The following ESR2 variants were observed in gnomAD, a reference collection of about 807,000 sequenced individuals.
The protein encoded by ESR2 is estrogen receptor 2, also known as estrogen receptor beta.
In ESR2, 36 loss-of-function variants were observed where a neutral mutation model predicts 49.6. The ratio of observed to expected loss-of-function variants is 0.73; its 90% CI spans 0.56 to 0.96. The LOEUF is 0.96. Ranked by LOEUF, ESR2 falls within the 40% of genes least tolerant of loss-of-function variation. The pLI, the probability that ESR2 is intolerant of heterozygous loss-of-function variation, is 0.00. For synonymous variants in ESR2, 320 were observed against 266.1 expected (o/e 1.20, Z -1.97); for missense variants, 714 against 693.0 (o/e 1.03, Z -0.34).
chr14:64,284,777 G>A (rs1253481123), intron 1 of ESR2, among the ~76,000 whole-genome samples: 1 of 151,816 alleles, frequency 6.6e-6, no homozygotes, highest in East Asian at 1.9e-4. Context: ...AAGGCACATT[G>A]GCTTTTTTTC....
chr14:64,276,950 A>G (rs1228732627), intron 3 of ESR2, among the ~76,000 whole-genome samples: 1 of 152,190 alleles, frequency 6.6e-6, no homozygotes, highest in Non-Finnish European at 1.5e-5. Flanking sequence ...TCTATAATCT[A>G]TTGTCTTGTT....
intron 1 of ESR2, among the ~76,000 whole-genome samples, chr14:64,320,979 T>G (rs2077318615): frequency 6.6e-6 from 1 of 152,116 alleles, no homozygotes; most frequent in African/African-American, 2.4e-5. Context: ...ACTGTGAAGA[T>G]GGGGAAGGAA....
chr14:64,262,570 C>T (rs2076244988), intron 4 of ESR2, among the ~76,000 whole-genome samples: 2 of 150,664 alleles, frequency 1.3e-5, no homozygotes, highest in Admixed American at 6.6e-5. Context: ...GAACACGTTA[C>T]AAAACATAAA....
intron 1 of ESR2, among the ~76,000 whole-genome samples, chr14:64,331,422 C>T (rs2077456549): frequency 6.6e-6 from 1 of 152,174 alleles, no homozygotes; most frequent in South Asian, 2.1e-4. Flanking sequence ...ACACACTTTT[C>T]TCAATAACTA....
chr14:64,305,816 A>G (rs2077088715), intron 1 of ESR2, among the ~76,000 whole-genome samples: 1 of 152,220 alleles, frequency 6.6e-6, no homozygotes, highest in South Asian at 2.1e-4. Context: ...ATTTAAGTCA[A>G]TGTTAGGTAT....
At chr14:64,334,507 C>T (rs760943678) in intron 1 of ESR2, among the ~76,000 whole-genome samples, 1 of 152,064 alleles carries the variant, frequency 6.6e-6, no homozygotes, top group Non-Finnish European at 1.5e-5. Flanking sequence ...AGAGAGAGAA[C>T]AAAAAGGAAT....
chr14:64,269,008 G>A (rs2076386947), intron 3 of ESR2, 97 bp from the exon 4 acceptor site: 20 of 746,994 alleles, frequency 2.7e-5, no homozygotes, highest in South Asian at 2.4e-4. Context: ...CCAGCTGAGA[G>A]ATAGGGGACA....
downstream of ESR2, chr14:64,227,627 T>A: frequency 1.9e-6 from 3 of 1,613,992 alleles, no homozygotes; most frequent in Non-Finnish European, 2.5e-6. Flanking sequence ...TAAGTAGAGA[T>A]GCGGGACAAG....
At chr14:64,245,417 C>G (rs538468820) in intron 7 of ESR2, among the ~76,000 whole-genome samples, 1 of 141,284 alleles carries the variant, frequency 7.1e-6, no homozygotes, top group Non-Finnish European at 1.5e-5. Flanking sequence ...GAGGCTGAGG[C>G]AGGAGAACTG....
intron 7 of ESR2, 47 bp from the exon 8 acceptor site, chr14:64,235,197 C>A (rs1214210181): frequency 1.3e-6 from 2 of 1,583,838 alleles, no homozygotes; most frequent in Admixed American, 1.7e-5. Context: ...AGCAAAGGAG[C>A]AGAAGTCGTG....
rs962391457 is a variant in ESR2, at chr14:64,235,769, G to A, written c.1226-619C>T. The stretch of plus-strand genomic sequence containing the variant: ...TCTCTGAGCCTCAGTTCCTCACTGA[G>A]CAACGCATGCAGGAACACATCTGCT... On this transcript the variant is annotated intron_variant, in intron 7 of 8. Transcript: ENST00000341099. Among the ~76,000 whole-genome samples the A allele has an allele frequency of 2.6e-5, 4 of 152,134 alleles. No individual in the cohort carries two copies. In the South Asian group the frequency reaches 6.2e-4, roughly 24 times the overall value.
At chr14:64,300,749 C>CT (rs1482545223) in intron 1 of ESR2, among the ~76,000 whole-genome samples, 1 of 151,850 alleles carries the variant, frequency 6.6e-6, no homozygotes, top group African/African-American at 2.4e-5. Context: ...GATACCTCAT[C>CT]TTTAAAAAAA....
chr14:64,274,152 T>C (rs2076507426), intron 3 of ESR2, among the ~76,000 whole-genome samples: 2 of 151,844 alleles, frequency 1.3e-5, no homozygotes, highest in African/African-American at 4.8e-5. Flanking sequence ...CTCTGTGTGT[T>C]GTCCAGGCTA....
chr14:64,281,408 T>C (rs765258011), intron 2 of ESR2, among the ~76,000 whole-genome samples: 1 of 151,874 alleles, frequency 6.6e-6, no homozygotes, highest in Non-Finnish European at 1.5e-5. Context: ...TTATAATTCA[T>C]GCTCAGAAAC....
chr14:64,316,289 G>T (rs1214484376), intron 1 of ESR2, among the ~76,000 whole-genome samples: 1 of 151,550 alleles, frequency 6.6e-6, no homozygotes. Context: ...TGGGATTACT[G>T]CATGAGCCAC....
intron 4 of ESR2, among the ~76,000 whole-genome samples, chr14:64,267,481 C>T (rs1236573750): frequency 6.6e-6 from 1 of 152,132 alleles, no homozygotes; most frequent in Admixed American, 6.5e-5. Context: ...ATGAAGAGAA[C>T]TTCTGCTGTA....
At chr14:64,316,135 G>A (rs1055678686) in intron 1 of ESR2, among the ~76,000 whole-genome samples, 14 of 151,438 alleles carry the variant, frequency 9.2e-5, no homozygotes, top group African/African-American at 2.9e-4. Context: ...TCAGCTTCTC[G>A]AGTAGCTAAG....
chr14:64,302,160 TTTTATTTATTTATTTATTTA>T (rs80326062), intron 1 of ESR2, among the ~76,000 whole-genome samples: 3 of 138,164 alleles, frequency 2.2e-5, no homozygotes, highest in Admixed American at 7.6e-5. Context: ...TATTTTTTAT[TTTTATTTATTTATTTATTTA>T]TTTATTTATT....
chr14:64,257,118 T>G, intron 6 of ESR2, 108 bp downstream of exon 6: 1 of 1,001,908 alleles, frequency 1.0e-6, no homozygotes, highest in Non-Finnish European at 1.6e-6. Flanking sequence ...TATCATCCTC[T>G]GCCCTGCAAG....
Sources: allele counts gnomAD v4.1 joint callset (sites outside exome capture counted in the v4.1 genomes callset), GRCh38; gene constraint gnomAD v4.1.1; transcripts MANE v1.5; gene names NCBI Gene and HGNC (gene_info 2026-07-23, HGNC 2026-07-21).